AGPS: variants seen among roughly 807,000 people sequenced by gnomAD.
The protein encoded by AGPS is alkylglycerone phosphate synthase.
Under a neutral mutation model 90.7 loss-of-function variants are expected in AGPS, and 26 were observed. The observed-to-expected ratio is 0.29, with a 90% CI of 0.21 to 0.40. The LOEUF (loss-of-function observed/expected upper bound fraction) is 0.40, where lower values mean the gene tolerates loss of function less well. Ranked by LOEUF, AGPS falls within the 10% of genes least tolerant of loss-of-function variation. The pLI, the probability that AGPS is intolerant of heterozygous loss-of-function variation, is 1.00. For synonymous variants in AGPS, 294 were observed against 285.3 expected (o/e 1.03, Z -0.31); for missense variants, 540 against 816.1 (o/e 0.66, Z 4.12).
chr2:177,460,952 A>C (rs1424399375), intron 8 of AGPS, among the ~76,000 whole-genome samples: 1 of 152,238 alleles, frequency 6.6e-6, no homozygotes, highest in African/African-American at 2.4e-5. Context: ...TATTTAACCT[A>C]ATAGGCTTTC....
intron 16 of AGPS, among the ~76,000 whole-genome samples, chr2:177,509,377 T>C (rs1182272641): frequency 1.3e-5 from 2 of 152,134 alleles, no homozygotes; most frequent in Middle Eastern, 3.2e-3. Context: ...TAGAAATAGT[T>C]TGGCAGCGGC....
At chr2:177,480,691 C>A (rs927871280) in intron 10 of AGPS, among the ~76,000 whole-genome samples, 1 of 151,364 alleles carries the variant, frequency 6.6e-6, no homozygotes, top group Admixed American at 6.6e-5. Context: ...CAAACCTGCA[C>A]GTTGTGCACA....
intron 8 of AGPS, among the ~76,000 whole-genome samples, chr2:177,445,918 G>T (rs891005435): frequency 3.3e-5 from 5 of 152,190 alleles, no homozygotes; most frequent in Admixed American, 6.5e-5. Flanking sequence ...TTGCTATGTG[G>T]ATGCTAAATG....
At chr2:177,526,282 T>A (rs989756461) in intron 19 of AGPS, among the ~76,000 whole-genome samples, 3 of 148,454 alleles carry the variant, frequency 2.0e-5, no homozygotes, top group Non-Finnish European at 4.4e-5. Flanking sequence ...CAGGCTGGAG[T>A]GCAGCGGTGC....
At chr2:177,469,959 A>G (rs561097784) in intron 10 of AGPS, among the ~76,000 whole-genome samples, 1 of 152,356 alleles carries the variant, frequency 6.6e-6, no homozygotes, top group Admixed American at 6.5e-5. Context: ...TGATCAAGTA[A>G]AATGCAGAAG....
chr2:177,399,449 A>G (rs1445641943), intron 1 of AGPS, among the ~76,000 whole-genome samples: 1 of 152,150 alleles, frequency 6.6e-6, no homozygotes, highest in Non-Finnish European at 1.5e-5. Context: ...TGGGCTCAGA[A>G]TCAACTGAGA....
intron 19 of AGPS, among the ~76,000 whole-genome samples, chr2:177,537,614 A>G (rs2079195352): frequency 1.3e-5 from 2 of 152,086 alleles, no homozygotes; most frequent in Non-Finnish European, 2.9e-5. Flanking sequence ...TGAAGCCTTT[A>G]TGTTCGTTAA....
intron 12 of AGPS, among the ~76,000 whole-genome samples, chr2:177,493,527 G>T (rs756924559): frequency 6.6e-6 from 1 of 152,160 alleles, no homozygotes; most frequent in African/African-American, 2.4e-5. Flanking sequence ...TTGCCTAGAT[G>T]TCTCTTCTTC....
intron 19 of AGPS, among the ~76,000 whole-genome samples, chr2:177,530,754 T>A (rs371248265): frequency 6.6e-6 from 1 of 152,216 alleles, no homozygotes; most frequent in African/African-American, 2.4e-5. Flanking sequence ...TCTGGTTTTG[T>A]GTATCAGAGA....
At chr2:177,463,981 G>T (rs1413725287) in intron 9 of AGPS, among the ~76,000 whole-genome samples, 2 of 151,902 alleles carry the variant, frequency 1.3e-5, no homozygotes, top group Admixed American at 1.3e-4. Flanking sequence ...CGCTCTTGTT[G>T]CCCAGGCTGG....
intron 9 of AGPS, among the ~76,000 whole-genome samples, chr2:177,465,819 C>T (rs1460905062): frequency 6.6e-6 from 1 of 152,244 alleles, no homozygotes; most frequent in African/African-American, 2.4e-5. Context: ...CACAGCTCTT[C>T]TCTCCTTCTC....
chr2:177,494,633 T>C (rs1485571304), intron 12 of AGPS, among the ~76,000 whole-genome samples: 1 of 152,188 alleles, frequency 6.6e-6, no homozygotes, highest in Middle Eastern at 3.2e-3. Context: ...AGTCTTCCTG[T>C]CATCCCTCTT....
At chr2:177,439,672 A>G (rs1355136829) in intron 5 of AGPS, among the ~76,000 whole-genome samples, 2 of 152,190 alleles carry the variant, frequency 1.3e-5, no homozygotes, top group Admixed American at 6.5e-5. Flanking sequence ...GCTTTCATAA[A>G]TGGATATTCA....
intron 19 of AGPS, among the ~76,000 whole-genome samples, chr2:177,530,411 TTACC>T (rs1257151038): frequency 1.1e-4 from 16 of 152,322 alleles, no homozygotes; most frequent in African/African-American, 3.8e-4. Flanking sequence ...ATGTTTTTAG[TTACC>T]TTACTAAACT....
In AGPS at chr2:177,538,721, C is replaced by T. The variant is rs1418820894; in HGVS notation, c.*526C>T. 1 of 159,774 alleles carries T rather than the reference C, an allele frequency of 6.3e-6. No individual in the cohort carries two copies. The allele number at this position is 159,774 out of a possible 1,614,324, so 9.9% of individuals were successfully genotyped here. A position where few individuals can be genotyped will look rare whatever the true frequency, so the allele number is the denominator to read the frequency against. On this transcript the variant is annotated 3_prime_UTR_variant, in exon 20 of 20. Transcript: ENST00000264167. ...GGCAACCTGTTATTTAGAAAGCCTTCACGTCTGTAAGGTGCTTGGCCTACT... is the reference window on the plus strand; with the variant it reads ...GGCAACCTGTTATTTAGAAAGCCTTTACGTCTGTAAGGTGCTTGGCCTACT...
intron 1 of AGPS, among the ~76,000 whole-genome samples, chr2:177,400,558 A>G (rs1178838525): frequency 6.6e-6 from 1 of 152,170 alleles, no homozygotes; most frequent in African/African-American, 2.4e-5. Flanking sequence ...TTTTGATGAG[A>G]GAGTTTTGCC....
At chr2:177,496,157 A>T (rs576282681) in intron 12 of AGPS, among the ~76,000 whole-genome samples, 20 of 152,292 alleles carry the variant, frequency 1.3e-4, no homozygotes, top group African/African-American at 3.6e-4. Flanking sequence ...GAAATTGTGC[A>T]TATAAATCTC....
At chr2:177,458,786 G>A (rs1687197446) in intron 8 of AGPS, among the ~76,000 whole-genome samples, 1 of 152,108 alleles carries the variant, frequency 6.6e-6, no homozygotes, top group Non-Finnish European at 1.5e-5. Flanking sequence ...TTCCCATCAA[G>A]CTACCACTTA....
At chr2:177,515,811 C>T (rs1375499159) in intron 17 of AGPS, among the ~76,000 whole-genome samples, 1 of 152,074 alleles carries the variant, frequency 6.6e-6, no homozygotes, top group East Asian at 1.9e-4. Context: ...CTTATAAAAC[C>T]AGTTAGAATA....
Sources: allele counts gnomAD v4.1 joint callset (sites outside exome capture counted in the v4.1 genomes callset), GRCh38; gene constraint gnomAD v4.1.1; transcripts MANE v1.5; gene names NCBI Gene and HGNC (gene_info 2026-07-23, HGNC 2026-07-21).